ZIC5: variants seen among roughly 807,000 people sequenced by gnomAD.
The protein encoded by ZIC5 is Zic family zinc finger 5, also known as zinc finger protein ZIC 5.
ZIC5 carries 20 observed loss-of-function variants against 28.5 expected under a neutral mutation model. The ratio of observed to expected loss-of-function variants is 0.70; its 90% confidence interval spans 0.49 to 1.02. The LOEUF (loss-of-function observed/expected upper bound fraction) is 1.02, where lower values mean the gene tolerates loss of function less well. ZIC5 is among the 50% of genes least tolerant of loss of function. The probability of loss-of-function intolerance (pLI) is 0.00; values close to 1 mark genes in which losing one functional copy is unlikely to be tolerated. For synonymous variants in ZIC5, 488 were observed against 410.4 expected (o/e 1.19, Z -2.29); for missense variants, 951 against 899.7 (o/e 1.06, Z -0.73).
Position 99,965,615 on chromosome 13 carries a change from G to T in ZIC5, c.1682C>A (p.Pro561His), listed in dbSNP as rs757912348. The T allele has an allele frequency of 6.2e-7, 1 of 1,614,154 alleles. No homozygotes were observed. The highest frequency in any genetic ancestry group is 1.1e-5 in the South Asian group (1 of 91,088). The change falls in exon 2 of 2, where the codon CCC becomes CAC. Residue 561 changes from proline (P) to histidine (H), a missense_variant. Pro to His is a moderately conservative substitution (Grantham distance 77). Around this residue, in one of 3 missense-constraint regions of ZIC5, gnomAD observed 108 missense variants for 118.4 expected, o/e 0.91. Transcript: ENST00000267294. Reference protein sequence around the residue: ...HCKSPPPSPGPLGYSSVGTPV... With the variant: ...HCKSPPPSPGHLGYSSVGTPV... ...AGTCCCCACTGATGAGTAACCAAGG[G>T]GTCCTGGAGAAGGTGGCGGGGACTT...
rs146570814 is a variant in ZIC5, at chr13:99,965,387, G to A, written c.1910C>T (p.Thr637Met). The A allele has an allele frequency of 1.2e-4, 195 of 1,613,302 alleles. 2 individuals are homozygous for A. The highest frequency in any genetic ancestry group is 5.5e-5 in the South Asian group (5 of 90,990). Residue 637 changes from threonine to methionine, a missense_variant, in exon 2 of 2, where the codon ACG becomes ATG. By Grantham distance (81) the Thr-to-Met change is moderately conservative. Transcript: ENST00000267294. ...TATTAATAATAAATTCTAATGTATC[G>A]TCCGCACAACTTCAGGGTTCCCGTA... ...EIYGNPEVVR[T>M]IH
rs2053138575 is a variant in ZIC5 at position 99,970,325 on chromosome 13, C to T, written c.1279G>A (p.Gly427Arg). The T allele has an allele frequency of 1.2e-6, 2 of 1,612,036 alleles. No homozygotes were observed. The highest frequency in any genetic ancestry group is 1.7e-6 in the Non-Finnish European group (2 of 1,179,460). The change falls in exon 1 of 2, where the codon GGA becomes AGA. Residue 427 changes from glycine to arginine, a missense_variant. Around this residue, in one of 3 missense-constraint regions of ZIC5, gnomAD observed 784 missense variants for 660.1 expected, o/e 1.19. Coordinates refer to ENST00000267294, the MANE Select transcript of ZIC5 (RefSeq NM_033132.5). ...LVNHVTVEHVGGPEQSSHVCF... is the reference protein window; with the variant it reads ...LVNHVTVEHVRGPEQSSHVCF... ...ACGTGGCTGCTCTGCTCGGGGCCTCCCACGTGCTCCACCGTGACGTGATTC... is the reference window on the plus strand; with the variant it reads ...ACGTGGCTGCTCTGCTCGGGGCCTCTCACGTGCTCCACCGTGACGTGATTC...
Position 99,970,214 on chromosome 13 carries a change from C to CG in ZIC5, c.1389dup (p.Glu464ArgfsTer37), listed in dbSNP as rs1474382947. ...GGGAAAGGGCAGGGAAAGGGCTTCT[C>CG]GCCGGTGTGCACGCGGATGTGGTTG... is the stretch of plus-strand genomic sequence containing the variant. On this transcript the variant is annotated frameshift_variant, in exon 1 of 2. Coordinates refer to ENST00000267294, the MANE Select transcript of ZIC5 (RefSeq NM_033132.5). LOFTEE classifies it high-confidence loss of function. 6.2e-7 allele frequency: 1 copy of CG among 1,613,266 alleles called. No homozygotes were observed. The highest frequency in any genetic ancestry group is 8.5e-7 in the Non-Finnish European group (1 of 1,179,748).
chr13:99,968,990 C>T (rs1299230168), intron 1 of ZIC5, among the ~76,000 whole-genome samples: 1 of 152,238 alleles, frequency 6.6e-6, no homozygotes, highest in Non-Finnish European at 1.5e-5. Flanking sequence ...GATAAATCTG[C>T]CAAGTGATTA....
rs543784915 is a variant in ZIC5 at position 99,970,215 on chromosome 13, G to A, written c.1389C>T (p.Gly463=). Reference sequence around the variant, plus strand: ...GGAAAGGGCAGGGAAAGGGCTTCTCGCCGGTGTGCACGCGGATGTGGTTGA... The same window carrying A: ...GGAAAGGGCAGGGAAAGGGCTTCTCACCGGTGTGCACGCGGATGTGGTTGA... The part of the protein sequence containing the change: ...KLINHIRVHT[G]EKPFPCPFPG... The change falls in exon 1 of 2, where the codon GGC becomes GGT. Residue 463 remains glycine (G), a synonymous_variant. Transcript: ENST00000267294. 6.2e-7 allele frequency: 1 copy of A among 1,613,618 alleles called. No homozygotes were observed. Among genetic ancestry groups the A allele is most frequent in the South Asian group, 1.1e-5 (1 of 91,060 alleles).
At chr13:99,969,324 G>A (rs1453021656) in intron 1 of ZIC5, among the ~76,000 whole-genome samples, 1 of 152,198 alleles carries the variant, frequency 6.6e-6, no homozygotes, top group East Asian at 1.9e-4. Flanking sequence ...CTCTAGAAAG[G>A]CAGATGTCAA....
In ZIC5 at chr13:99,971,682, A is replaced by T; in HGVS notation, c.-79T>A. On this transcript the variant is annotated 5_prime_UTR_variant, in exon 1 of 2. Coordinates refer to ENST00000267294, the MANE Select transcript of ZIC5 (RefSeq NM_033132.5). The stretch of plus-strand genomic sequence containing the variant: ...TGCCCGCCTTCAAAAACATGTATGT[A>T]TTGGGCGCTCTTTAACTTCTTTTGT... 1 of 1,553,188 alleles carries T rather than the reference A, an allele frequency of 6.4e-7. No individual in the cohort carries two copies.
Position 99,965,354 on chromosome 13 carries a change from C to CTTA in ZIC5, c.*20_*22dup, listed in dbSNP as rs764305998. On this transcript the variant is annotated 3_prime_UTR_variant, in exon 2 of 2. Coordinates refer to ENST00000267294, the MANE Select transcript of ZIC5 (RefSeq NM_033132.5). ...CCAAGGACTCCCACTTATTATTTCA[C>CTTA]TTATTATTATTAATAATAAATTCTA... 7 of 1,588,634 alleles carry CTTA rather than the reference C, an allele frequency of 4.4e-6. No individual in the cohort carries two copies. The African/African-American group carries it at 9.6e-5, about 22-fold the overall frequency.
chr13:99,971,199 G>A lies in ZIC5; in HGVS notation c.405C>T (p.Pro135=), dbSNP rs1367499887. Residue 135 remains proline (P), a synonymous_variant, in exon 1 of 2, where the codon CCC becomes CCT. Transcript: ENST00000267294. The part of the protein sequence containing the change: ...APPPPAPPLP[P]TPSPPPPPPP... ...GGGGAGGGGGAGGGGGTGAAGGGGT[G>A]GGAGGAAGAGGAGGGGCTGGGGGCG... The A allele has an allele frequency of 7.8e-7, 1 of 1,284,422 alleles. No homozygotes were observed. Among genetic ancestry groups the A allele is most frequent in the African/African-American group, 1.6e-5 (1 of 63,390 alleles). The allele number at this position is 1,284,422 out of a possible 1,614,324, so 79.6% of individuals were successfully genotyped here.
chr13:99,971,167 G>C lies in ZIC5; in HGVS notation c.437C>G (p.Pro146Arg). ...TPSPPPPPPP[P>R]PPPALSGYTT... ...GTAGCCCGAGAGGGCAGGAGGAGGA[G>C]GAGGCGGGGGAGGGGGAGGGGGTGA... Residue 146 changes from proline (P) to arginine (R), a missense_variant, in exon 1 of 2, where the codon CCT becomes CGT. Pro to Arg is a moderately radical substitution (Grantham distance 103). Around this residue, in one of 3 missense-constraint regions of ZIC5, gnomAD observed 784 missense variants for 660.1 expected, o/e 1.19. Transcript: ENST00000267294. 7.3e-7 allele frequency: 1 copy of C among 1,361,536 alleles called. No individual in the cohort carries two copies. The highest frequency in any genetic ancestry group is 9.4e-7 in the Non-Finnish European group (1 of 1,064,614). 84.3% of individuals were successfully genotyped at this position (1,361,536 alleles called of 1,614,324 possible). A position where few individuals can be genotyped will look rare whatever the true frequency, so the allele number is the denominator to read the frequency against.
Position 99,970,587 on chromosome 13 carries a change from C to G in ZIC5, c.1017G>C (p.Pro339=), listed in dbSNP as rs1237774621. Reference sequence around the variant, plus strand: ...GGTGCGGGTGCTGCGCGGGCGCCGGCGGCGGCGGCGGCGCCGGGGGCGGCG... The same window carrying G: ...GGTGCGGGTGCTGCGCGGGCGCCGGGGGCGGCGGCGGCGCCGGGGGCGGCG... The part of the protein sequence containing the change: ...HHAPPPAPPP[P]PAPAQHPHQH... The change falls in exon 1 of 2, where the codon CCG becomes CCC. Residue 339 remains proline, a synonymous_variant. Coordinates refer to ENST00000267294, the MANE Select transcript of ZIC5 (RefSeq NM_033132.5). 1 of 994,290 alleles carries G rather than the reference C, an allele frequency of 1.0e-6. No homozygotes were observed. Among genetic ancestry groups the G allele is most frequent in the Non-Finnish European group, 1.2e-6 (1 of 839,244 alleles). The allele number at this position is 994,290 out of a possible 1,614,324, so 61.6% of individuals were successfully genotyped here. A position where few individuals can be genotyped will look rare whatever the true frequency, so the allele number is the denominator to read the frequency against.
Position 99,965,166 on chromosome 13 carries a change from T to C in ZIC5, c.*211A>G. 1 of 297,674 alleles carries C rather than the reference T, an allele frequency of 3.4e-6. No homozygotes were observed. The highest frequency in any genetic ancestry group is 9.9e-5 in the South Asian group (1 of 10,150). 18.4% of individuals were successfully genotyped at this position (297,674 alleles called of 1,614,324 possible). On this transcript the variant is annotated 3_prime_UTR_variant, in exon 2 of 2. Transcript: ENST00000267294. ...AGCTTGGTTGTTTTTTGTTTGTTTT[T>C]TAAGAAAAAAAAAAAAAAAAGCCCA...
upstream of ZIC5, chr13:99,971,858 G>C: frequency 2.7e-6 from 2 of 737,196 alleles, no homozygotes; most frequent in East Asian, 2.8e-5. Context: ...CAGTAGCCTC[G>C]GCTGCTCGAT....
At position 99,967,977 on chromosome 13, in the gene ZIC5, G is replaced by A. The variant is rs966588637; in HGVS notation, c.1477+2150C>T. 1.1e-4 allele frequency among the ~76,000 whole-genome samples: 17 copies of A among 152,354 alleles called. 3 individuals carry two copies. Among genetic ancestry groups the A allele is most frequent in the Admixed American group, 2.6e-4 (4 of 15,308 alleles). On this transcript the variant is annotated intron_variant, in intron 1 of 1. Transcript: ENST00000267294. ...GAGCCTGGAGCCTGTGGGAAAGTAA[G>A]GAACTACTTGCGGACCCCGCCAGCT... is the stretch of plus-strand genomic sequence containing the variant.
At chr13:99,966,254 G>A (rs541445185) in intron 1 of ZIC5, among the ~76,000 whole-genome samples, 4 of 152,250 alleles carry the variant, frequency 2.6e-5, no homozygotes, top group South Asian at 4.2e-4. Flanking sequence ...GGAAGTAAGC[G>A]TATAAGAAAA....
At chr13:99,969,061 A>T (rs2053124279) in intron 1 of ZIC5, among the ~76,000 whole-genome samples, 1 of 152,166 alleles carries the variant, frequency 6.6e-6, no homozygotes, top group Non-Finnish European at 1.5e-5. Context: ...TGTCCCTATA[A>T]ATCCCGACTG....
At position 99,965,390 on chromosome 13, in the gene ZIC5, C is replaced by T. The variant is rs768266801; in HGVS notation, c.1907G>A (p.Arg636Gln). The change falls in exon 2 of 2, where the codon CGG becomes CAG. Residue 636 changes from arginine to glutamine, a missense_variant. By Grantham distance (43) the Arg-to-Gln change is conservative. This residue lies in a region of ZIC5 where 108 missense variants were observed against 118.4 expected (regional missense o/e 0.91). Coordinates refer to ENST00000267294, the MANE Select transcript of ZIC5 (RefSeq NM_033132.5). ...EEIYGNPEVV[R>Q]TIH ...TAATAATAAATTCTAATGTATCGTCCGCACAACTTCAGGGTTCCCGTAAAT... is the reference window on the plus strand; with the variant it reads ...TAATAATAAATTCTAATGTATCGTCTGCACAACTTCAGGGTTCCCGTAAAT... The T allele has an allele frequency of 2.9e-5, 47 of 1,613,484 alleles. No homozygotes were observed. The highest frequency in any genetic ancestry group is 3.1e-5 in the Non-Finnish European group (37 of 1,179,882).
In ZIC5 at chr13:99,970,322, CT is replaced by C; in HGVS notation, c.1281del (p.Gly428AlafsTer117). The C allele has an allele frequency of 6.2e-7, 1 of 1,612,282 alleles. No individual in the cohort carries two copies. The highest frequency in any genetic ancestry group is 8.5e-7 in the Non-Finnish European group (1 of 1,179,542). On this transcript the variant is annotated frameshift_variant, in exon 1 of 2. Transcript: ENST00000267294. LOFTEE classifies it high-confidence loss of function. ...LVNHVTVEHV[G>X]GPEQSSHVCF... ...CAGACGTGGCTGCTCTGCTCGGGGC[CT>C]CCCACGTGCTCCACCGTGACGTGAT...
chr13:99,970,784 C>G lies in ZIC5; in HGVS notation c.820G>C (p.Gly274Arg), dbSNP rs1390665317. 7.6e-6 allele frequency: 9 copies of G among 1,188,320 alleles called. No homozygotes were observed. In the East Asian group the frequency reaches 3.2e-4, roughly 42 times the overall value. The allele number at this position is 1,188,320 out of a possible 1,614,324, so 73.6% of individuals were successfully genotyped here. Reference protein sequence around the residue: ...AAAAAAAELYGRAEPPFAPRS... With the variant: ...AAAAAAAELYRRAEPPFAPRS... ...GGCGCGAAGGGCGGTTCGGCGCGGCCGTACAGCTCAGCCGCCGCGGCTGCC... is the reference window on the plus strand; with the variant it reads ...GGCGCGAAGGGCGGTTCGGCGCGGCGGTACAGCTCAGCCGCCGCGGCTGCC... The change falls in exon 1 of 2, where the codon GGC (glycine) becomes CGC (arginine). Residue 274 changes from glycine to arginine, a missense_variant. This residue lies in a region of ZIC5 where 784 missense variants were observed against 660.1 expected (regional missense o/e 1.19). Transcript: ENST00000267294.
Sources: gnomAD v4.1 joint callset for allele counts (sites outside exome capture counted in the v4.1 genomes callset) on GRCh38, gnomAD v4.1.1 for gene constraint, gnomAD v4.1.1 regional missense constraint, MANE v1.5 for transcripts, NCBI Gene and HGNC (gene_info 2026-07-23, HGNC 2026-07-21) for gene names.